C16orf74: variants seen among roughly 807,000 people sequenced by gnomAD.
C16orf74 encodes calcimembrin.
In C16orf74, 10 loss-of-function variants were observed where a neutral mutation model predicts 6.5. The ratio of observed to expected loss-of-function variants is 1.54; its 90% CI spans 0.95 to 2.61. The LOEUF is 2.61. Among genes scored for constraint, C16orf74 ranks in the 30% most tolerant of loss-of-function variants. C16orf74 has a pLI of 0.00. For missense variants in C16orf74, 141 were observed against 105.9 expected, an observed-to-expected ratio of 1.33 and a Z score of -1.45; for synonymous variants, 60 against 42.5, an observed-to-expected ratio of 1.41 and a Z score of -1.60.
intron 1 of C16orf74, among the ~76,000 whole-genome samples, chr16:85,735,985 G>A (rs2054240344): frequency 2.0e-5 from 3 of 152,270 alleles, no homozygotes; most frequent in Admixed American, 2.0e-4. Context: ...ACCTGCCCAA[G>A]GCTACCAGCT....
chr16:85,731,425 G>C (rs1240940948), intron 2 of C16orf74, among the ~76,000 whole-genome samples: 2 of 152,212 alleles, frequency 1.3e-5, no homozygotes, highest in Non-Finnish European at 2.9e-5. Flanking sequence ...GCCTGGAGCT[G>C]GGGGCATGGT....
intron 2 of C16orf74, among the ~76,000 whole-genome samples, chr16:85,721,204 G>A (rs1303626786): frequency 6.6e-6 from 1 of 151,840 alleles, no homozygotes. Flanking sequence ...ACAAGAGCAG[G>A]ACAACCATGA....
chr16:85,725,425 TAGG>T (rs1488193781), intron 2 of C16orf74, among the ~76,000 whole-genome samples: 3 of 152,142 alleles, frequency 2.0e-5, no homozygotes, highest in African/African-American at 7.2e-5. Flanking sequence ...GGGAATCACC[TAGG>T]AGGCCTCCTA....
intron 1 of C16orf74, among the ~76,000 whole-genome samples, chr16:85,746,328 C>A (rs775199668): frequency 6.6e-6 from 1 of 152,008 alleles, no homozygotes; most frequent in African/African-American, 2.4e-5. Context: ...CAAGCCTGGG[C>A]GGCAAGGTGA....
At chr16:85,733,315 T>C (rs1474041579) in intron 2 of C16orf74, among the ~76,000 whole-genome samples, 1 of 152,158 alleles carries the variant, frequency 6.6e-6, no homozygotes, top group African/African-American at 2.4e-5. Flanking sequence ...GGACAAATGC[T>C]GGATGATTCC....
intron 1 of C16orf74, 114 bp from the exon 2 acceptor site, chr16:85,735,349 G>A: frequency 1.8e-6 from 1 of 552,018 alleles, no homozygotes; most frequent in Non-Finnish European, 3.0e-6. Context: ...AGGTTGTGGT[G>A]GAGAGAAACC....
chr16:85,722,378 T>A (rs893391675), intron 2 of C16orf74, among the ~76,000 whole-genome samples: 10 of 151,994 alleles, frequency 6.6e-5, no homozygotes. Flanking sequence ...GAACTGGGAG[T>A]ATCCCAGGGG....
At chr16:85,728,865 C>A (rs1379837773) in intron 2 of C16orf74, among the ~76,000 whole-genome samples, 1 of 152,174 alleles carries the variant, frequency 6.6e-6, no homozygotes, top group Non-Finnish European at 1.5e-5. Flanking sequence ...ATCTCTGACC[C>A]CAGAGCCACT....
chr16:85,749,436 C>G (rs1052604406), intron 1 of C16orf74, among the ~76,000 whole-genome samples: 5 of 152,028 alleles, frequency 3.3e-5, no homozygotes, highest in African/African-American at 1.2e-4. Flanking sequence ...CAGGTATGCA[C>G]CACACCCAGC....
chr16:85,730,609 T>G (rs1323162138), intron 2 of C16orf74, among the ~76,000 whole-genome samples: 2 of 106,432 alleles, frequency 1.9e-5, no homozygotes, highest in Non-Finnish European at 3.4e-5. Flanking sequence ...ACCAGCCAAC[T>G]AAACCCCCAA....
chr16:85,725,733 A>C (rs2054126207), intron 2 of C16orf74, among the ~76,000 whole-genome samples: 1 of 152,134 alleles, frequency 6.6e-6, no homozygotes, highest in African/African-American at 2.4e-5. Flanking sequence ...CCTCCTGAGT[A>C]GCTGGCACTA....
Position 85,726,411 on chromosome 16 carries a change from G to A in C16orf74, c.28+8779C>T, listed in dbSNP as rs115525362. ...AAGGGAACCAGCACCATGGAACAGC[G>A]ACTGTGCGTTGGCTCCTGTTCGCAG... On this transcript the variant is annotated intron_variant, in intron 2 of 3. Transcript: ENST00000284245. Among the ~76,000 whole-genome samples the A allele has an allele frequency of 7.3e-3, 1,118 of 152,306 alleles. 11 individuals carry two copies. Among genetic ancestry groups the A allele is most frequent in the Middle Eastern group, 0.024 (7 of 294 alleles).
intron 2 of C16orf74, among the ~76,000 whole-genome samples, chr16:85,723,685 A>G (rs2054105122): frequency 6.6e-6 from 1 of 152,228 alleles, no homozygotes; most frequent in Admixed American, 6.5e-5. Flanking sequence ...TATTTACTGA[A>G]GTCCTGCTTG....
intron 2 of C16orf74, among the ~76,000 whole-genome samples, chr16:85,730,407 C>G (rs1034906183): frequency 1.3e-5 from 2 of 152,046 alleles, no homozygotes; most frequent in African/African-American, 4.8e-5. Context: ...AGGTGCCTCC[C>G]GGCTCAGAAA....
chr16:85,713,715 T>A (rs1381302685), intron 2 of C16orf74, among the ~76,000 whole-genome samples: 2 of 152,130 alleles, frequency 1.3e-5, no homozygotes, highest in East Asian at 3.9e-4. Flanking sequence ...GCGAGGAGGT[T>A]GACTTATGAA....
At chr16:85,721,528 A>T (rs556531119) in intron 2 of C16orf74, among the ~76,000 whole-genome samples, 2 of 152,340 alleles carry the variant, frequency 1.3e-5, no homozygotes, top group South Asian at 2.1e-4. Flanking sequence ...GGCATGTCCC[A>T]TGCAATGCTT....
intron 1 of C16orf74, among the ~76,000 whole-genome samples, chr16:85,736,944 T>C (rs2054251697): frequency 1.3e-5 from 2 of 151,936 alleles, no homozygotes; most frequent in Non-Finnish European, 2.9e-5. Context: ...CTCAGGAGGC[T>C]GAGGCAGGAG....
At chr16:85,714,684 C>G (rs1212991952) in intron 2 of C16orf74, among the ~76,000 whole-genome samples, 3 of 151,538 alleles carry the variant, frequency 2.0e-5, no homozygotes, top group Admixed American at 2.0e-4. Context: ...TCCCAAAGTC[C>G]TGGGATTACA....
chr16:85,719,801 C>G, intron 2 of C16orf74, among the ~76,000 whole-genome samples: 1 of 150,606 alleles, frequency 6.6e-6, no homozygotes, highest in African/African-American at 2.5e-5. Context: ...CCACAGGCCA[C>G]AGCACACACA....
Sources: gnomAD v4.1 joint callset for allele counts (sites outside exome capture counted in the v4.1 genomes callset) on GRCh38, gnomAD v4.1.1 for gene constraint, MANE v1.5 for transcripts, NCBI Gene and HGNC (gene_info 2026-07-23, HGNC 2026-07-21) for gene names.